Variants in NKAIN2 observed in about 807,000 individuals in gnomAD.
NKAIN2 encodes sodium/potassium-transporting ATPase subunit beta-1-interacting protein 2.
In NKAIN2, 14 loss-of-function variants were observed where a neutral mutation model predicts 32.6. That is an observed-to-expected ratio of 0.43 (90% CI 0.28 to 0.67). NKAIN2 has a LOEUF of 0.67. NKAIN2 is among the 30% of genes least tolerant of loss of function. The pLI, the probability that NKAIN2 is intolerant of heterozygous loss-of-function variation, is 0.17. For synonymous variants in NKAIN2, 80 were observed against 87.2 expected (o/e 0.92, Z 0.46); for missense variants, 198 against 258.3 (o/e 0.77, Z 1.60).
intron 1 of NKAIN2, among the ~76,000 whole-genome samples, chr6:124,154,008 C>A (rs973288148): frequency 1.3e-5 from 2 of 150,906 alleles, no homozygotes; most frequent in Admixed American, 1.3e-4. Flanking sequence ...GAGTCTTTAG[C>A]ATGATTGGGT....
chr6:124,615,902 A>G (rs367998274), intron 3 of NKAIN2, among the ~76,000 whole-genome samples: 1 of 152,210 alleles, frequency 6.6e-6, no homozygotes, highest in East Asian at 1.9e-4. Context: ...TTTGGATATT[A>G]CGGTTGTAGT....
intron 1 of NKAIN2, among the ~76,000 whole-genome samples, chr6:124,009,495 G>A (rs55635403): frequency 6.6e-5 from 10 of 152,102 alleles, no homozygotes; most frequent in Non-Finnish European, 1.5e-4. Flanking sequence ...GGCGGCTTAC[G>A]ATGTGGCAGC....
At chr6:124,070,318 G>A (rs1336460456) in intron 1 of NKAIN2, among the ~76,000 whole-genome samples, 1 of 152,204 alleles carries the variant, frequency 6.6e-6, no homozygotes, top group Admixed American at 6.5e-5. Context: ...CAGGCTGTGT[G>A]TATAATTCTT....
At chr6:123,911,939 A>T (rs929001520) in intron 1 of NKAIN2, among the ~76,000 whole-genome samples, 1 of 150,574 alleles carries the variant, frequency 6.6e-6, no homozygotes, top group African/African-American at 2.4e-5. Flanking sequence ...TTTTCACTGA[A>T]TTCAGTCTAT....
intron 4 of NKAIN2, among the ~76,000 whole-genome samples, chr6:124,781,089 C>CT (rs200039483): frequency 0.021 from 3,192 of 152,108 alleles, 95 homozygotes; most frequent in African/African-American, 0.071. Context: ...TTAATTTTAA[C>CT]TTTTTTTTAA....
intron 3 of NKAIN2, among the ~76,000 whole-genome samples, chr6:124,529,499 C>T (rs891302847): frequency 2.0e-5 from 3 of 152,104 alleles, no homozygotes; most frequent in Non-Finnish European, 4.4e-5. Flanking sequence ...TTTCATTTCC[C>T]TTTAGTCCAG....
chr6:123,869,514 G>GA (rs1772757731), intron 1 of NKAIN2, among the ~76,000 whole-genome samples: 1 of 151,650 alleles, frequency 6.6e-6, no homozygotes, highest in African/African-American at 2.4e-5. Flanking sequence ...TTTGTTCACA[G>GA]AAAAAATAAG....
At chr6:124,215,911 A>G (rs983852922) in intron 1 of NKAIN2, among the ~76,000 whole-genome samples, 51 of 152,226 alleles carry the variant, frequency 3.4e-4, no homozygotes, top group Admixed American at 1.6e-3. Flanking sequence ...TGAGGTCAGG[A>G]GTTTCAGACC....
chr6:124,103,004 T>G (rs1251277937), intron 1 of NKAIN2, among the ~76,000 whole-genome samples: 1 of 152,174 alleles, frequency 6.6e-6, no homozygotes, highest in East Asian at 1.9e-4. Context: ...GACATTGTAC[T>G]CAGAAAACAG....
chr6:123,807,988 T>A (rs1351295092), intron 1 of NKAIN2, among the ~76,000 whole-genome samples: 1 of 152,192 alleles, frequency 6.6e-6, no homozygotes, highest in Non-Finnish European at 1.5e-5. Context: ...CTAACCATTT[T>A]CAAAGGTACA....
At chr6:124,530,485 G>C (rs1429712042) in intron 3 of NKAIN2, among the ~76,000 whole-genome samples, 2 of 152,080 alleles carry the variant, frequency 1.3e-5, no homozygotes, top group Non-Finnish European at 2.9e-5. Context: ...AGGCAGGAGA[G>C]GTAGGGACAT....
At chr6:124,278,651 A>AT (rs1491272188) in intron 1 of NKAIN2, among the ~76,000 whole-genome samples, 38 of 5,672 alleles carry the variant, frequency 6.7e-3, no homozygotes, top group African/African-American at 0.023. Context: ...TACATAGCTC[A>AT]TATATATATA....
intron 1 of NKAIN2, among the ~76,000 whole-genome samples, chr6:123,930,573 A>G (rs77888252): frequency 0.015 from 2,333 of 152,324 alleles, 23 homozygotes; most frequent in South Asian, 0.031. Flanking sequence ...TTTGAATTCT[A>G]CAAACATTAC....
intron 1 of NKAIN2, among the ~76,000 whole-genome samples, chr6:124,210,189 C>A (rs1416683735): frequency 6.6e-6 from 1 of 151,682 alleles, no homozygotes; most frequent in Non-Finnish European, 1.5e-5. Context: ...TTCCTAGCAC[C>A]ATTTGGACTG....
chr6:124,407,319 A>G lies in NKAIN2; in HGVS notation c.273+51972A>G, dbSNP rs188484348. Among the ~76,000 whole-genome samples the G allele has an allele frequency of 1.5e-3, 225 of 151,028 alleles. 1 individual carries two copies. The highest frequency in any genetic ancestry group is 5.2e-3 in the African/African-American group (213 of 41,170). On this transcript the variant is annotated intron_variant, in intron 3 of 6. Transcript: ENST00000368417. ...ATTAACTCGTCATTTAGCATTAGGT[A>G]TATCTCCTAATGCTATCCCTCCCCC...
chr6:124,429,297 C>T (rs750860060), intron 3 of NKAIN2, among the ~76,000 whole-genome samples: 3 of 152,112 alleles, frequency 2.0e-5, no homozygotes, highest in Non-Finnish European at 4.4e-5. Flanking sequence ...ATTCACCTGC[C>T]TCAGCCTCCC....
chr6:124,582,779 G>A (rs948100259), intron 3 of NKAIN2, among the ~76,000 whole-genome samples: 2 of 152,090 alleles, frequency 1.3e-5, no homozygotes, highest in African/African-American at 2.4e-5. Context: ...CATCATGATC[G>A]AGTGGGATTT....
intron 1 of NKAIN2, among the ~76,000 whole-genome samples, chr6:123,997,398 T>C (rs1779666502): frequency 6.6e-6 from 1 of 152,044 alleles, no homozygotes; most frequent in Non-Finnish European, 1.5e-5. Context: ...TCTTATAACG[T>C]TCAAGTGGCC....
intron 4 of NKAIN2, among the ~76,000 whole-genome samples, chr6:124,781,728 G>T (rs1189917774): frequency 6.6e-6 from 1 of 152,086 alleles, no homozygotes; most frequent in Non-Finnish European, 1.5e-5. Context: ...AGGTAACTCA[G>T]ATGGAAAGGA....
Sources: gnomAD v4.1 joint callset for allele counts (sites outside exome capture counted in the v4.1 genomes callset) on GRCh38, gnomAD v4.1.1 for gene constraint, MANE v1.5 for transcripts, NCBI Gene and HGNC (gene_info 2026-07-23, HGNC 2026-07-21) for gene names.